Variants in SPICE1 observed in about 807,000 individuals in gnomAD.
The protein encoded by SPICE1 is spindle and centriole associated protein 1.
Under a neutral mutation model 102.7 loss-of-function variants are expected in SPICE1, and 75 were observed. The observed-to-expected ratio is 0.73, with a 90% CI of 0.61 to 0.88. SPICE1 has a LOEUF of 0.88. Among genes scored for constraint, SPICE1 ranks in the 40% least tolerant of loss-of-function variants. The pLI, the probability that SPICE1 is intolerant of heterozygous loss-of-function variation, is 0.00. For synonymous variants in SPICE1, 308 were observed against 350.3 expected (o/e 0.88, Z 1.35); for missense variants, 979 against 1,020.1 (o/e 0.96, Z 0.55).
intron 7 of SPICE1, among the ~76,000 whole-genome samples, chr3:113,477,597 T>A (rs1249533539): frequency 1.3e-5 from 2 of 152,100 alleles, no homozygotes; most frequent in African/African-American, 4.8e-5. Context: ...CATGGAATAC[T>A]ATGCAGCCTT....
At chr3:113,509,752 T>C (rs2399480) in intron 1 of SPICE1, among the ~76,000 whole-genome samples, 38,721 of 152,146 alleles carry the variant, frequency 0.25, 5,327 homozygotes, top group African/African-American at 0.36. Flanking sequence ...TTGTAATCCC[T>C]ATAATCCCCA....
chr3:113,508,933 T>C (rs1937163922), intron 1 of SPICE1, among the ~76,000 whole-genome samples: 1 of 152,188 alleles, frequency 6.6e-6, no homozygotes, highest in Non-Finnish European at 1.5e-5. Context: ...TAATAAGCAA[T>C]GGTGTACTGA....
chr3:113,481,447 G>T (rs1936501086), intron 7 of SPICE1, among the ~76,000 whole-genome samples: 1 of 151,562 alleles, frequency 6.6e-6, no homozygotes, highest in Non-Finnish European at 1.5e-5. Flanking sequence ...TTAAGTTCTG[G>T]GGTATATGTG....
chr3:113,445,359 A>C lies in SPICE1; in HGVS notation c.2516T>G (p.Ile839Ser). 1.9e-6 allele frequency: 3 copies of C among 1,612,592 alleles called. No homozygotes were observed. Among genetic ancestry groups the C allele is most frequent in the African/African-American group, 2.7e-5 (2 of 74,998 alleles). Residue 839 changes from isoleucine to serine, a missense_variant and splice_region_variant, in exon 18 of 18, where the codon ATT (isoleucine) becomes AGT (serine). Coordinates refer to ENST00000295872, the MANE Select transcript of SPICE1 (RefSeq NM_144718.4). ...RFTPLNPRAK[I>S]EKQNEEGWFA... ...CCAGCCTTCTTCATTCTGTTTCTCA[A>C]TCTGTTGAACAAAGACACGGAAAAA...
At chr3:113,496,523 T>C (rs1559974171) in intron 4 of SPICE1, among the ~76,000 whole-genome samples, 1 of 152,200 alleles carries the variant, frequency 6.6e-6, no homozygotes, top group Non-Finnish European at 1.5e-5. Context: ...TTAGGAGTTA[T>C]TACATTTTGG....
intron 7 of SPICE1, 99 bp downstream of exon 7, chr3:113,488,846 A>C (rs766008445): frequency 7.3e-6 from 5 of 684,652 alleles, no homozygotes; most frequent in Non-Finnish European, 9.9e-6. Context: ...TTAAATAAAA[A>C]TAAACTCCCA....
At chr3:113,512,405 C>CTTTTTTTTTTTTTTTTTTT (rs34015506) in intron 1 of SPICE1, among the ~76,000 whole-genome samples, 1 of 104,410 alleles carries the variant, frequency 9.6e-6, no homozygotes, top group Non-Finnish European at 1.9e-5. Flanking sequence ...GAAAAGCTTT[C>CTTTTTTTTTTTTTTTTTTT]TTTTTTTTTT....
chr3:113,448,846 G>A lies in SPICE1; in HGVS notation c.2324-706C>T, dbSNP rs932563381. On this transcript the variant is annotated intron_variant, in intron 15 of 17. Coordinates refer to ENST00000295872, the MANE Select transcript of SPICE1 (RefSeq NM_144718.4). ...CAAAAGAGGTTTTTCATGATATATG[G>A]TTTATTTTTATTTTTATCATTATAG... 3.3e-5 allele frequency: 5 copies of A among 152,046 alleles called. No individual in the cohort carries two copies. The East Asian group carries it at 9.6e-4, about 29-fold the overall frequency. 9.4% of individuals were successfully genotyped at this position (152,046 alleles called of 1,614,324 possible). A position where few individuals can be genotyped will look rare whatever the true frequency, so the allele number is the denominator to read the frequency against.
intron 12 of SPICE1, 104 bp from the exon 13 acceptor site, chr3:113,457,461 C>T: frequency 9.4e-7 from 1 of 1,064,848 alleles, no homozygotes. Flanking sequence ...GCAAAATCCA[C>T]ATGAATCAAC....
intron 16 of SPICE1, 81 bp downstream of exon 16, chr3:113,447,957 C>T (rs1935554126): frequency 3.0e-6 from 4 of 1,321,352 alleles, no homozygotes; most frequent in South Asian, 1.6e-5. Context: ...TGTACACTTC[C>T]TTTTTTCACA....
intron 7 of SPICE1, among the ~76,000 whole-genome samples, chr3:113,485,336 T>G (rs946686302): frequency 6.6e-6 from 1 of 152,110 alleles, no homozygotes; most frequent in Admixed American, 6.5e-5. Flanking sequence ...TGACTTGAAA[T>G]TCTTGCTGCC....
At chr3:113,481,650 G>A (rs1444603584) in intron 7 of SPICE1, among the ~76,000 whole-genome samples, 3 of 151,242 alleles carry the variant, frequency 2.0e-5, no homozygotes, top group Non-Finnish European at 4.4e-5. Flanking sequence ...TCCCACTTAT[G>A]AGTAAGAACA....
At chr3:113,484,024 G>A (rs1936583453) in intron 7 of SPICE1, among the ~76,000 whole-genome samples, 1 of 152,124 alleles carries the variant, frequency 6.6e-6, no homozygotes, top group African/African-American at 2.4e-5. Context: ...TTTTTGGTTG[G>A]TAGGCTATTA....
rs1466051191 is a variant in SPICE1, at chr3:113,453,845, G to A, written c.1763C>T (p.Thr588Ile). Residue 588 changes from threonine to isoleucine, a missense_variant, in exon 14 of 18, where the codon ACA (threonine) becomes ATA (isoleucine). By Grantham distance (89) the Thr-to-Ile change is moderately conservative (BLOSUM62 -1). Transcript: ENST00000295872. ...NWEEKTLPID[T>I]DIQNSSEENR... The stretch of plus-strand genomic sequence containing the variant: ...CTCTTCACTTGAATTCTGAATGTCT[G>A]TATCAATAGGTAAGGTCTTCTCTTC... 2.5e-6 allele frequency: 4 copies of A among 1,614,034 alleles called. No individual in the cohort carries two copies. The highest frequency in any genetic ancestry group is 2.7e-5 in the African/African-American group (2 of 74,920).
At position 113,457,200 on chromosome 3, in the gene SPICE1, C is replaced by A; in HGVS notation, c.1593G>T (p.Glu531Asp). The A allele has an allele frequency of 6.2e-7, 1 of 1,614,136 alleles. No individual in the cohort carries two copies. The highest frequency in any genetic ancestry group is 8.5e-7 in the Non-Finnish European group (1 of 1,180,034). Residue 531 changes from glutamate (E) to aspartate (D), a missense_variant, in exon 13 of 18, where the codon GAG becomes GAT. Physicochemically the swap from Glu to Asp is conservative, Grantham distance 45. Transcript: ENST00000295872. ...LAKNFPAHIFEPAVLLTPPRQ... is the reference protein window; with the variant it reads ...LAKNFPAHIFDPAVLLTPPRQ... ...TGGGTGGTGTTAACAACACAGCTGG[C>A]TCAAAAATATGTGCTGGAAAATTCT...
chr3:113,474,535 G>C (rs925000205), intron 7 of SPICE1, among the ~76,000 whole-genome samples: 10 of 151,896 alleles, frequency 6.6e-5, no homozygotes, highest in African/African-American at 2.4e-4. Context: ...CACAAACTTG[G>C]AAGTAAAGCT....
At chr3:113,465,483 G>A (rs1005525720) in intron 11 of SPICE1, among the ~76,000 whole-genome samples, 170 bp downstream of exon 11, 1 of 152,062 alleles carries the variant, frequency 6.6e-6, no homozygotes, top group Non-Finnish European at 1.5e-5. Flanking sequence ...TTCTACTATA[G>A]TACTTCCATG....
At chr3:113,460,379 A>T in intron 12 of SPICE1, 1 of 912,898 alleles carries the variant, frequency 1.1e-6, no homozygotes, top group Non-Finnish European at 1.3e-6. Context: ...AATAACACCT[A>T]CCTCATCAGA....
intron 16 of SPICE1, among the ~76,000 whole-genome samples, chr3:113,447,412 TTACA>T (rs1257945443): frequency 1.3e-5 from 2 of 152,222 alleles, no homozygotes; most frequent in Non-Finnish European, 2.9e-5. Context: ...AGTTCATAGC[TTACA>T]TCAGGGTTCA....
Sources: allele counts gnomAD v4.1 joint callset (sites outside exome capture counted in the v4.1 genomes callset), GRCh38; gene constraint gnomAD v4.1.1; transcripts MANE v1.5; gene names NCBI Gene and HGNC (gene_info 2026-07-23, HGNC 2026-07-21).